Variants in PFDN1 observed in about 807,000 individuals in gnomAD.
The protein encoded by PFDN1 is prefoldin 1.
A neutral mutation model predicts 17.3 loss-of-function variants in PFDN1; 6 were observed. That is an observed-to-expected ratio of 0.35 (90% CI 0.19 to 0.69). The LOEUF is 0.69. PFDN1 is among the 30% of genes least tolerant of loss of function. PFDN1 has a pLI of 0.65. For missense variants in PFDN1, 113 were observed against 146.2 expected (o/e 0.77, Z 1.17); for synonymous variants, 58 against 50.1 (o/e 1.16, Z -0.67).
chr5:140,300,582 C>T lies in PFDN1; in HGVS notation c.34G>A (p.Ala12Thr). 6.3e-7 allele frequency: 1 copy of T among 1,592,592 alleles called. No individual in the cohort carries two copies. The highest frequency in any genetic ancestry group is 8.6e-7 in the Non-Finnish European group (1 of 1,169,242). ...ACTTTGGCTTGAAGCTCTGTGAAGG[C>T]CTAATAAAAACAAGTCCATGATTTA... ...AAPVDLELKK[A>T]FTELQAKVID... Residue 12 changes from alanine to threonine, a missense_variant and splice_region_variant, in exon 2 of 4, where the codon GCC becomes ACC. By Grantham distance (58) the Ala-to-Thr change is moderately conservative (BLOSUM62 0). Coordinates refer to ENST00000261813, the MANE Select transcript of PFDN1 (RefSeq NM_002622.5).
intron 3 of PFDN1, chr5:140,262,670 C>T (rs1473095707): frequency 1.1e-5 from 4 of 375,750 alleles, no homozygotes; most frequent in African/African-American, 2.1e-5. Context: ...ATATCAAACA[C>T]GGAATGAAAA....
At chr5:140,290,161 A>G (rs1561516093) in intron 2 of PFDN1, among the ~76,000 whole-genome samples, 2 of 152,082 alleles carry the variant, frequency 1.3e-5, no homozygotes, top group Non-Finnish European at 2.9e-5. Flanking sequence ...CTATTTTCCC[A>G]AGTAAATCAG....
chr5:140,257,114 T>C (rs1268400521), intron 3 of PFDN1, among the ~76,000 whole-genome samples: 1 of 151,526 alleles, frequency 6.6e-6, no homozygotes, highest in African/African-American at 2.4e-5. Context: ...TCCCAGCTAC[T>C]CAGGAGGCTG....
rs148301200 is a variant in PFDN1, at chr5:140,303,078, G to C, written c.-5C>G. 2.4e-3 allele frequency: 3,821 copies of C among 1,611,958 alleles called. 169 individuals are homozygous for C. In the Admixed American group the frequency reaches 0.061, roughly 26 times the overall value. On this transcript the variant is annotated 5_prime_UTR_variant, in exon 1 of 4. Transcript: ENST00000261813. ...TAGATCCACGGGGGCGGCCATCTTGGTGCACTGTAAGCGCCTGCGCAGTGG... is the reference window on the plus strand; with the variant it reads ...TAGATCCACGGGGGCGGCCATCTTGCTGCACTGTAAGCGCCTGCGCAGTGG...
At chr5:140,264,565 A>C (rs1205359636) in intron 3 of PFDN1, among the ~76,000 whole-genome samples, 1 of 152,118 alleles carries the variant, frequency 6.6e-6, no homozygotes, top group Non-Finnish European at 1.5e-5. Context: ...GGGACTAGGC[A>C]TGGTGGGTCA....
intron 3 of PFDN1, among the ~76,000 whole-genome samples, chr5:140,255,989 C>T (rs895118829): frequency 6.6e-6 from 1 of 152,160 alleles, no homozygotes; most frequent in Non-Finnish European, 1.5e-5. Context: ...TCTATGGGTG[C>T]TTCTCTGTCA....
intron 3 of PFDN1, among the ~76,000 whole-genome samples, chr5:140,273,237 TC>T: frequency 7.4e-6 from 1 of 135,586 alleles, no homozygotes; most frequent in East Asian, 2.1e-4. Flanking sequence ...AGAGCAAGAC[TC>T]CATCTCAAAA....
intron 3 of PFDN1, among the ~76,000 whole-genome samples, chr5:140,250,046 A>G (rs989553426): frequency 6.6e-6 from 1 of 152,178 alleles, no homozygotes; most frequent in Non-Finnish European, 1.5e-5. Context: ...CTCTTGGGTA[A>G]GGGCACTAAC....
At chr5:140,274,146 C>T (rs1765254060) in intron 3 of PFDN1, among the ~76,000 whole-genome samples, 1 of 152,152 alleles carries the variant, frequency 6.6e-6, no homozygotes, top group East Asian at 1.9e-4. Flanking sequence ...GTTAGCAAAA[C>T]CAGAGGATGA....
At chr5:140,293,067 T>C (rs1256011011) in intron 2 of PFDN1, 1 of 152,094 alleles carries the variant, frequency 6.6e-6, no homozygotes, top group Non-Finnish European at 1.5e-5. Context: ...TGGTATGGCT[T>C]AAAATTGACT....
At chr5:140,276,272 G>A (rs1193323193) in intron 3 of PFDN1, among the ~76,000 whole-genome samples, 2 of 152,108 alleles carry the variant, frequency 1.3e-5, no homozygotes, top group African/African-American at 4.8e-5. Context: ...TCCCTACAAT[G>A]TGCTAAGAAA....
intron 3 of PFDN1, among the ~76,000 whole-genome samples, chr5:140,251,460 G>A (rs2126678303): frequency 6.6e-6 from 1 of 152,264 alleles, no homozygotes; most frequent in Non-Finnish European, 1.5e-5. Context: ...AATTTCCCAT[G>A]TCCTGGACTC....
At chr5:140,277,226 C>CAA (rs796127129) in intron 3 of PFDN1, among the ~76,000 whole-genome samples, 3 of 97,874 alleles carry the variant, frequency 3.1e-5, no homozygotes, top group Admixed American at 1.1e-4. Flanking sequence ...AACTCCGTCT[C>CAA]AAAAAAAAAA....
chr5:140,246,485 T>C (rs1032885707), intron 3 of PFDN1, among the ~76,000 whole-genome samples: 1 of 152,238 alleles, frequency 6.6e-6, no homozygotes, highest in Non-Finnish European at 1.5e-5. Flanking sequence ...AGCTATAAAA[T>C]GGATGGTGCA....
At chr5:140,295,149 C>A (rs1765634257) in intron 2 of PFDN1, among the ~76,000 whole-genome samples, 1 of 151,934 alleles carries the variant, frequency 6.6e-6, no homozygotes, top group Non-Finnish European at 1.5e-5. Context: ...AATAATAGAT[C>A]TGACATCAAA....
At chr5:140,266,589 C>A (rs1162285865) in intron 3 of PFDN1, among the ~76,000 whole-genome samples, 2 of 152,156 alleles carry the variant, frequency 1.3e-5, no homozygotes, top group Admixed American at 1.3e-4. Context: ...AAAATAAGAA[C>A]TGCAAAGGAA....
chr5:140,266,349 C>A (rs1352162824), intron 3 of PFDN1, among the ~76,000 whole-genome samples: 2 of 152,224 alleles, frequency 1.3e-5, no homozygotes, highest in Non-Finnish European at 2.9e-5. Flanking sequence ...GGGAGTAACA[C>A]TGGTTTGTGA....
chr5:140,284,150 T>C (rs2126694733), intron 2 of PFDN1, among the ~76,000 whole-genome samples: 1 of 152,326 alleles, frequency 6.6e-6, no homozygotes, highest in East Asian at 1.9e-4. Flanking sequence ...AAACACGTTT[T>C]TCCATGACCA....
intron 2 of PFDN1, among the ~76,000 whole-genome samples, chr5:140,289,658 C>T (rs1039334634): frequency 3.3e-5 from 5 of 152,142 alleles, no homozygotes; most frequent in African/African-American, 9.7e-5. Context: ...TAATATCAAC[C>T]ACTATCACCT....
Sources: gnomAD v4.1 joint callset for allele counts (sites outside exome capture counted in the v4.1 genomes callset) on GRCh38, gnomAD v4.1.1 for gene constraint, MANE v1.5 for transcripts, NCBI Gene and HGNC (gene_info 2026-07-23, HGNC 2026-07-21) for gene names.